The following DDR2 variants were observed in gnomAD, a reference collection of about 807,000 sequenced individuals.
The protein encoded by DDR2 is discoidin domain receptor tyrosine kinase 2, also known as discoidin domain-containing receptor 2.
A neutral mutation model predicts 94.9 loss-of-function variants in DDR2; 27 were observed. The ratio of observed to expected loss-of-function variants is 0.28; its 90% CI spans 0.21 to 0.39. The LOEUF (loss-of-function observed/expected upper bound fraction) is 0.39, where lower values mean the gene tolerates loss of function less well. Among genes scored for constraint, DDR2 ranks in the 10% least tolerant of loss-of-function variants. DDR2 has a pLI of 1.00. For synonymous variants in DDR2, 382 were observed against 377.2 expected, an observed-to-expected ratio of 1.01 and a Z score of -0.15; for missense variants, 783 against 1,076.0, an observed-to-expected ratio of 0.73 and a Z score of 3.81.
chr1:162,700,249 C>T (rs548236638), intron 2 of DDR2, among the ~76,000 whole-genome samples: 1 of 152,324 alleles, frequency 6.6e-6, no homozygotes, highest in South Asian at 2.1e-4. Flanking sequence ...CTTCTACTGG[C>T]AACACCATCT....
intron 3 of DDR2, 121 bp downstream of exon 3, chr1:162,719,266 T>C (rs1276882609): frequency 1.9e-6 from 3 of 1,545,040 alleles, no homozygotes; most frequent in African/African-American, 1.4e-5. Context: ...TTTTTAAATC[T>C]CCATGGTGAA....
Position 162,694,885 on chromosome 1 carries a change from T to G in DDR2, c.-27-24152T>G, listed in dbSNP as rs957292572. ...TGGTAATTTTGTGTTCCATAATTTCTCAGACACAGAAACATTATCTTTCAA... is the reference window on the plus strand; with the variant it reads ...TGGTAATTTTGTGTTCCATAATTTCGCAGACACAGAAACATTATCTTTCAA... On this transcript the variant is annotated intron_variant, in intron 2 of 17. Coordinates refer to ENST00000367921, the MANE Select transcript of DDR2 (RefSeq NM_006182.4). 3.9e-5 allele frequency among the ~76,000 whole-genome samples: 6 copies of G among 152,352 alleles called. No homozygotes were observed. In the East Asian group the frequency reaches 9.6e-4, roughly 24 times the overall value.
chr1:162,732,529 T>C (rs1430791701), intron 3 of DDR2, among the ~76,000 whole-genome samples: 1 of 152,244 alleles, frequency 6.6e-6, no homozygotes, highest in African/African-American at 2.4e-5. Context: ...TTTCTGGGCC[T>C]CAGAGGTTCT....
At chr1:162,767,478 G>A in intron 11 of DDR2, 119 bp downstream of exon 11, 2 of 1,432,944 alleles carry the variant, frequency 1.4e-6, no homozygotes, top group Admixed American at 2.0e-5. Flanking sequence ...ATTAACTGAG[G>A]CTACCAAGAA....
chr1:162,763,446 G>T (rs2800278), intron 9 of DDR2, among the ~76,000 whole-genome samples: 1 of 146,952 alleles, frequency 6.8e-6, no homozygotes, highest in Admixed American at 6.9e-5. Context: ...CGATCCAGCC[G>T]CCTAGGCCTC....
At chr1:162,709,635 A>G (rs1660808819) in intron 2 of DDR2, among the ~76,000 whole-genome samples, 1 of 152,198 alleles carries the variant, frequency 6.6e-6, no homozygotes, top group Admixed American at 6.5e-5. Flanking sequence ...TCTTGTGCCC[A>G]GTAATGTGGA....
chr1:162,683,134 A>G (rs1331698366), intron 2 of DDR2, among the ~76,000 whole-genome samples: 1 of 152,188 alleles, frequency 6.6e-6, no homozygotes, highest in Non-Finnish European at 1.5e-5. Context: ...TATTTGACAA[A>G]ATTCAATATT....
chr1:162,733,548 A>G (rs1662158526), intron 3 of DDR2, among the ~76,000 whole-genome samples: 1 of 152,124 alleles, frequency 6.6e-6, no homozygotes, highest in Admixed American at 6.5e-5. Flanking sequence ...CTGATTTACT[A>G]AGTTCTTATC....
At chr1:162,775,256 T>TAAA (rs1455110228) in intron 14 of DDR2, among the ~76,000 whole-genome samples, 1 of 2,634 alleles carries the variant, frequency 3.8e-4, no homozygotes, top group African/African-American at 7.1e-4. Context: ...CTCCATGGCT[T>TAAA]TAAAAAAAAA....
Position 162,755,813 on chromosome 1 carries a change from A to G in DDR2, c.671+44A>G, listed in dbSNP as rs755268386. On this transcript the variant is annotated intron_variant, in intron 7 of 17. Coordinates refer to ENST00000367921, the MANE Select transcript of DDR2 (RefSeq NM_006182.4). The stretch of plus-strand genomic sequence containing the variant: ...TATTAGAATGGGAAATTGGCCACTA[A>G]GAAAGAATAATATTTTATCATGTCT... 8.2e-6 allele frequency: 12 copies of G among 1,456,906 alleles called. No individual in the cohort carries two copies. The South Asian group carries it at 1.4e-4, about 17-fold the overall frequency. The allele number at this position is 1,456,906 out of a possible 1,614,324, so 90.2% of individuals were successfully genotyped here.
intron 3 of DDR2, among the ~76,000 whole-genome samples, chr1:162,739,551 C>T (rs892691607): frequency 1.3e-5 from 2 of 152,178 alleles, no homozygotes; most frequent in Non-Finnish European, 2.9e-5. Context: ...AAGTGATCCG[C>T]CCACCTGGGC....
At chr1:162,699,479 A>C (rs1048598858) in intron 2 of DDR2, among the ~76,000 whole-genome samples, 20 of 152,180 alleles carry the variant, frequency 1.3e-4, no homozygotes, top group African/African-American at 4.8e-4. Context: ...CAGTTGTTCC[A>C]GTTTGAGATT....
At chr1:162,717,903 A>G (rs1481664401) in intron 2 of DDR2, among the ~76,000 whole-genome samples, 2 of 152,172 alleles carry the variant, frequency 1.3e-5, no homozygotes. Context: ...TTTACACTGT[A>G]CTTCTTGGGA....
At chr1:162,763,573 T>C (rs1165414917) in intron 9 of DDR2, among the ~76,000 whole-genome samples, 1 of 152,014 alleles carries the variant, frequency 6.6e-6, no homozygotes, top group Non-Finnish European at 1.5e-5. Flanking sequence ...TTTCTTGTTT[T>C]CCGAAAGAAC....
chr1:162,639,840 A>G (rs1657036083), intron 1 of DDR2, among the ~76,000 whole-genome samples: 1 of 152,232 alleles, frequency 6.6e-6, no homozygotes, highest in Non-Finnish European at 1.5e-5. Flanking sequence ...GGACAAAACT[A>G]TGGAAACAGT....
At chr1:162,650,422 C>T (rs1180782496) in intron 1 of DDR2, among the ~76,000 whole-genome samples, 1 of 152,058 alleles carries the variant, frequency 6.6e-6, no homozygotes, top group Non-Finnish European at 1.5e-5. Context: ...ATGGTGAAAG[C>T]CCATCTCTAC....
intron 2 of DDR2, among the ~76,000 whole-genome samples, chr1:162,710,334 AG>A (rs1228692262): frequency 6.6e-6 from 1 of 152,196 alleles, no homozygotes; most frequent in Non-Finnish European, 1.5e-5. Context: ...TACTTACGGA[AG>A]GGGTCATTCT....
intron 2 of DDR2, among the ~76,000 whole-genome samples, chr1:162,696,523 G>A (rs1415819800): frequency 6.6e-6 from 1 of 151,792 alleles, no homozygotes; most frequent in Non-Finnish European, 1.5e-5. Flanking sequence ...GCTCCTGCCT[G>A]TTTCAGCTTG....
intron 2 of DDR2, among the ~76,000 whole-genome samples, chr1:162,713,617 C>A (rs1052756946): frequency 6.6e-6 from 1 of 152,138 alleles, no homozygotes; most frequent in African/African-American, 2.4e-5. Flanking sequence ...AACTTTGCAA[C>A]CTTCTTGTTC....
Sources: gnomAD v4.1 joint callset for allele counts (sites outside exome capture counted in the v4.1 genomes callset) on GRCh38, gnomAD v4.1.1 for gene constraint, MANE v1.5 for transcripts, NCBI Gene and HGNC (gene_info 2026-07-23, HGNC 2026-07-21) for gene names.